RGL1: variants seen among roughly 807,000 people sequenced by gnomAD.
The protein encoded by RGL1 is ral guanine nucleotide dissociation stimulator like 1.
Under a neutral mutation model 95.2 loss-of-function variants are expected in RGL1, and 24 were observed. The ratio of observed to expected loss-of-function variants is 0.25; its 90% CI spans 0.18 to 0.35. The LOEUF (loss-of-function observed/expected upper bound fraction) is 0.35. Among genes scored for constraint, RGL1 ranks in the 10% least tolerant of loss-of-function variants. The pLI is 1.00. For missense variants in RGL1, 715 were observed against 936.3 expected (o/e 0.76, Z 3.08); for synonymous variants, 329 against 344.9 (o/e 0.95, Z 0.51).
chr1:183,914,820 A>G (rs1407625312), intron 15 of RGL1, among the ~76,000 whole-genome samples: 1 of 152,204 alleles, frequency 6.6e-6, no homozygotes, highest in Non-Finnish European at 1.5e-5. Flanking sequence ...AGAAAAATCT[A>G]ACAAAGGAAA....
Position 183,884,980 on chromosome 1 carries a change from C to T in RGL1, c.951+42C>T, listed in dbSNP as rs762464398. 9 of 1,514,020 alleles carry T rather than the reference C, an allele frequency of 5.9e-6. No individual in the cohort carries two copies. The South Asian group carries it at 8.1e-5, about 14-fold the overall frequency. 93.8% of individuals were successfully genotyped at this position (1,514,020 alleles called of 1,614,324 possible). ...AAATATTCTTTGTGTTTGGTAGATGCAAGAGACTGCTCCATCACTTCGTTT... is the reference window on the plus strand; with the variant it reads ...AAATATTCTTTGTGTTTGGTAGATGTAAGAGACTGCTCCATCACTTCGTTT... On this transcript the variant is annotated intron_variant, in intron 7 of 17. Transcript: ENST00000360851.
chr1:183,852,467 T>C (rs1296503051), intron 3 of RGL1, among the ~76,000 whole-genome samples: 1 of 152,146 alleles, frequency 6.6e-6, no homozygotes, highest in African/African-American at 2.4e-5. Context: ...GCCAGCAGTT[T>C]GTGTTGGGGC....
At chr1:183,692,575 C>T (rs944355361) in intron 1 of RGL1, among the ~76,000 whole-genome samples, 3 of 152,160 alleles carry the variant, frequency 2.0e-5, no homozygotes, top group Admixed American at 6.5e-5. Flanking sequence ...AGGTAGTTCA[C>T]CTTTTATAGT....
chr1:183,752,748 G>A (rs115027841), intron 2 of RGL1, among the ~76,000 whole-genome samples: 1 of 133,110 alleles, frequency 7.5e-6, no homozygotes, highest in South Asian at 2.4e-4. Context: ...TTTATTTTGT[G>A]TGCTTCTCAG....
intron 1 of RGL1, among the ~76,000 whole-genome samples, chr1:183,737,629 G>A (rs1334095877): frequency 6.7e-6 from 1 of 150,068 alleles, no homozygotes; most frequent in African/African-American, 2.4e-5. Context: ...TCTGCAGATT[G>A]TTTCTCAGTG....
At chr1:183,777,849 C>T (rs976460579) in intron 2 of RGL1, among the ~76,000 whole-genome samples, 1 of 152,066 alleles carries the variant, frequency 6.6e-6, no homozygotes, top group African/African-American at 2.4e-5. Flanking sequence ...TTTTTATTGT[C>T]ATTTGAATTC....
chr1:183,885,159 T>C (rs1299132604), intron 7 of RGL1, among the ~76,000 whole-genome samples: 2 of 152,214 alleles, frequency 1.3e-5, no homozygotes, highest in Non-Finnish European at 2.9e-5. Flanking sequence ...GGACCCCTGC[T>C]CACTTCTTCC....
chr1:183,717,029 T>A (rs1655664422), intron 1 of RGL1, among the ~76,000 whole-genome samples: 1 of 152,164 alleles, frequency 6.6e-6, no homozygotes, highest in African/African-American at 2.4e-5. Flanking sequence ...GGGTGGCAGT[T>A]TACTGTATTT....
chr1:183,651,369 G>A (rs1247659614), intron 1 of RGL1, among the ~76,000 whole-genome samples: 1 of 152,074 alleles, frequency 6.6e-6, no homozygotes, highest in Non-Finnish European at 1.5e-5. Flanking sequence ...ATGAATACTT[G>A]TGCTAATAAA....
intron 2 of RGL1, among the ~76,000 whole-genome samples, chr1:183,830,849 A>T (rs1436037959): frequency 6.6e-6 from 1 of 152,208 alleles, no homozygotes; most frequent in African/African-American, 2.4e-5. Flanking sequence ...TGAAATTTTT[A>T]GTTCAGAAAA....
At chr1:183,881,561 GTGACAGTTTCCATGGTGGC>G (rs1666828563) in intron 5 of RGL1, among the ~76,000 whole-genome samples, 1 of 152,182 alleles carries the variant, frequency 6.6e-6, no homozygotes. Flanking sequence ...GGGGTGCTGG[GTGACAGTTTCCATGGTGGC>G]TGACCCACTT....
intron 14 of RGL1, among the ~76,000 whole-genome samples, chr1:183,911,663 G>T (rs1274833907): frequency 6.6e-6 from 1 of 152,198 alleles, no homozygotes; most frequent in Non-Finnish European, 1.5e-5. Context: ...GGATACTGTA[G>T]TTCACAGATT....
At chr1:183,814,834 G>C (rs1249160675) in intron 2 of RGL1, among the ~76,000 whole-genome samples, 1 of 152,206 alleles carries the variant, frequency 6.6e-6, no homozygotes, top group Non-Finnish European at 1.5e-5. Context: ...CATAACTTCT[G>C]TCACTAATGG....
At chr1:183,747,041 T>G (rs1380205306) in intron 2 of RGL1, among the ~76,000 whole-genome samples, 1 of 152,206 alleles carries the variant, frequency 6.6e-6, no homozygotes, top group African/African-American at 2.4e-5. Flanking sequence ...ACATTTTCTT[T>G]TTCCAGTCTA....
chr1:183,647,562 T>C (rs1208386942), intron 1 of RGL1: 2 of 1,435,252 alleles, frequency 1.4e-6, no homozygotes, highest in East Asian at 4.6e-5. Context: ...GGTTTGCTTT[T>C]AGTGCATCAG....
chr1:183,852,006 T>A (rs1664854272), intron 3 of RGL1, among the ~76,000 whole-genome samples: 3 of 152,228 alleles, frequency 2.0e-5, no homozygotes, highest in Admixed American at 2.0e-4. Flanking sequence ...TAAAAATAAT[T>A]TCTTTTGGTT....
intron 2 of RGL1, among the ~76,000 whole-genome samples, chr1:183,840,992 C>T (rs897117984): frequency 6.6e-6 from 1 of 152,120 alleles, no homozygotes; most frequent in African/African-American, 2.4e-5. Context: ...GTGCTTCCCT[C>T]CATGTCTTGC....
In RGL1 at chr1:183,871,688, A is replaced by T. The variant is rs1274459262; in HGVS notation, c.425+5615A>T. On this transcript the variant is annotated intron_variant, in intron 4 of 17. Coordinates refer to ENST00000360851, the MANE Select transcript of RGL1 (RefSeq NM_001297671.3). ...GGGTAAAAGAACTTTAAAGAAGGAA[A>T]ATGTGGAAATACAGATGAAGCATTC... Among the ~76,000 whole-genome samples the T allele has an allele frequency of 2.0e-5, 3 of 152,252 alleles. No individual in the cohort carries two copies. The East Asian group carries it at 5.8e-4, about 29-fold the overall frequency.
intron 4 of RGL1, among the ~76,000 whole-genome samples, chr1:183,875,750 G>A (rs1171814773): frequency 2.6e-5 from 4 of 151,560 alleles, no homozygotes; most frequent in Admixed American, 6.6e-5. Context: ...ATGGTGGCAC[G>A]TGCCTGTAAT....
Sources: allele counts gnomAD v4.1 joint callset (sites outside exome capture counted in the v4.1 genomes callset), GRCh38; gene constraint gnomAD v4.1.1; transcripts MANE v1.5; gene names NCBI Gene and HGNC (gene_info 2026-07-23, HGNC 2026-07-21).